Variants in CAMKMT observed in about 807,000 individuals in gnomAD.
CAMKMT encodes the protein calmodulin-lysine N-methyltransferase.
A neutral mutation model predicts 48.0 loss-of-function variants in CAMKMT; 53 were observed. That is an observed-to-expected ratio of 1.10 (90% CI 0.89 to 1.39). The LOEUF is 1.39. Among genes scored for constraint, CAMKMT ranks in the 40% most tolerant of loss-of-function variants. CAMKMT has a pLI of 0.00. For synonymous variants in CAMKMT, 165 were observed against 152.3 expected, an observed-to-expected ratio of 1.08 and a Z score of -0.61; for missense variants, 428 against 402.7, an observed-to-expected ratio of 1.06 and a Z score of -0.54.
chr2:44,450,198 C>G (rs1164162466), intron 3 of CAMKMT, among the ~76,000 whole-genome samples: 1 of 152,114 alleles, frequency 6.6e-6, no homozygotes, highest in Non-Finnish European at 1.5e-5. Context: ...ATAGCAGGCT[C>G]AGTGAATAAT....
chr2:44,766,348 C>CAGTAT, intron 9 of CAMKMT, 82 bp from the exon 10 acceptor site: 1 of 1,489,740 alleles, frequency 6.7e-7, no homozygotes, highest in Non-Finnish European at 9.3e-7. Flanking sequence ...GAGAGCAGTA[C>CAGTAT]ATTAAATGCT....
chr2:44,581,481 G>C (rs1669560500), intron 3 of CAMKMT, among the ~76,000 whole-genome samples: 2 of 152,160 alleles, frequency 1.3e-5, no homozygotes, highest in South Asian at 4.1e-4. Flanking sequence ...CATTAAATAT[G>C]TGTATACTGA....
At position 44,564,344 on chromosome 2, in the gene CAMKMT, T is replaced by G. The variant is rs1668495471; in HGVS notation, c.377-139939T>G. Among the ~76,000 whole-genome samples the G allele has an allele frequency of 2.6e-5, 4 of 151,680 alleles. No homozygotes were observed. The South Asian group carries it at 8.4e-4, about 32-fold the overall frequency. ...AGCGCGCCACTATGCCCGGCTAATT[T>G]TTGTATTTTTAATAGAAACGGGGTT... On this transcript the variant is annotated intron_variant, in intron 3 of 10. Transcript: ENST00000378494.
In CAMKMT at chr2:44,502,553, T is replaced by G. The variant is rs528358623; in HGVS notation, c.376+112248T>G. Reference sequence around the variant, plus strand: ...TGATAATGCTTGATAATGTCTTGCCTTGATCTGGTTTGCCATCTTAATTAG... The same window carrying G: ...TGATAATGCTTGATAATGTCTTGCCGTGATCTGGTTTGCCATCTTAATTAG... On this transcript the variant is annotated intron_variant, in intron 3 of 10. Coordinates refer to ENST00000378494, the MANE Select transcript of CAMKMT (RefSeq NM_024766.5). 2.6e-5 allele frequency among the ~76,000 whole-genome samples: 4 copies of G among 152,354 alleles called. No homozygotes were observed. In the South Asian group the frequency reaches 8.3e-4, roughly 32 times the overall value.
At chr2:44,591,489 C>A (rs1449596522) in intron 3 of CAMKMT, among the ~76,000 whole-genome samples, 1 of 152,000 alleles carries the variant, frequency 6.6e-6, no homozygotes, top group Admixed American at 6.6e-5. Flanking sequence ...AAGTTGGATT[C>A]CTAGGTATTT....
intron 3 of CAMKMT, among the ~76,000 whole-genome samples, chr2:44,445,144 A>G (rs1270861549): frequency 1.3e-5 from 2 of 152,222 alleles, no homozygotes; most frequent in Admixed American, 1.3e-4. Flanking sequence ...CGGGAACTCC[A>G]AGGCTACTGA....
intron 3 of CAMKMT, among the ~76,000 whole-genome samples, chr2:44,651,141 A>G (rs1216558900): frequency 6.6e-6 from 1 of 152,262 alleles, no homozygotes; most frequent in Non-Finnish European, 1.5e-5. Context: ...ATCCAGAGCT[A>G]TAAAATGTTC....
chr2:44,722,097 C>A (rs2104320197), intron 7 of CAMKMT, among the ~76,000 whole-genome samples: 1 of 151,864 alleles, frequency 6.6e-6, no homozygotes, highest in South Asian at 2.1e-4. Context: ...ATTTTTGGTA[C>A]TATTCCATTG....
chr2:44,525,858 TTC>T (rs1319956099), intron 3 of CAMKMT, among the ~76,000 whole-genome samples: 1 of 152,000 alleles, frequency 6.6e-6, no homozygotes, highest in East Asian at 1.9e-4. Flanking sequence ...TTCTTTTCTT[TTC>T]TTTTATTATT....
chr2:44,513,156 C>A (rs1436997429), intron 3 of CAMKMT, among the ~76,000 whole-genome samples: 1 of 152,088 alleles, frequency 6.6e-6, no homozygotes, highest in Admixed American at 6.6e-5. Flanking sequence ...GAGAAATGCC[C>A]TCAGGCCGCT....
At chr2:44,493,447 C>G (rs1669610075) in intron 3 of CAMKMT, among the ~76,000 whole-genome samples, 2 of 152,170 alleles carry the variant, frequency 1.3e-5, no homozygotes. Flanking sequence ...TCTCTCAAGT[C>G]TAAACAACCC....
intron 3 of CAMKMT, among the ~76,000 whole-genome samples, chr2:44,590,238 G>C (rs893182807): frequency 6.6e-6 from 1 of 152,076 alleles, no homozygotes; most frequent in Non-Finnish European, 1.5e-5. Context: ...CTTTGTCTTT[G>C]TCTGGTTTTT....
chr2:44,721,302 T>G (rs1321012513), intron 7 of CAMKMT, among the ~76,000 whole-genome samples: 1 of 152,212 alleles, frequency 6.6e-6, no homozygotes. Flanking sequence ...TTAAAATTTC[T>G]TAAGAGATGT....
At chr2:44,696,996 T>C (rs1676992890) in intron 3 of CAMKMT, among the ~76,000 whole-genome samples, 3 of 151,466 alleles carry the variant, frequency 2.0e-5, no homozygotes, top group Admixed American at 2.0e-4. Flanking sequence ...TAGAAAACAA[T>C]AAGAGATGCA....
chr2:44,613,035 G>A (rs1261782517), intron 3 of CAMKMT, among the ~76,000 whole-genome samples: 2 of 152,296 alleles, frequency 1.3e-5, no homozygotes, highest in African/African-American at 4.8e-5. Flanking sequence ...TGAATGGGTA[G>A]AAGAATATAG....
At chr2:44,501,520 G>T (rs1251031009) in intron 3 of CAMKMT, among the ~76,000 whole-genome samples, 1 of 152,152 alleles carries the variant, frequency 6.6e-6, no homozygotes, top group Non-Finnish European at 1.5e-5. Context: ...AATTTAAGTT[G>T]CCTATCTCCT....
intron 3 of CAMKMT, among the ~76,000 whole-genome samples, chr2:44,447,143 T>G (rs564813232): frequency 6.6e-6 from 1 of 152,304 alleles, no homozygotes; most frequent in East Asian, 1.9e-4. Context: ...GTATATTGCT[T>G]TGTGCTTTGT....
chr2:44,413,416 G>T (rs1188059116), intron 3 of CAMKMT, among the ~76,000 whole-genome samples: 1 of 152,076 alleles, frequency 6.6e-6, no homozygotes, highest in Non-Finnish European at 1.5e-5. Flanking sequence ...CACTTTGGGA[G>T]GCCAAGGCGG....
intron 3 of CAMKMT, among the ~76,000 whole-genome samples, chr2:44,579,588 C>T (rs62131349): frequency 0.039 from 5,927 of 152,292 alleles, 164 homozygotes; most frequent in Non-Finnish European, 0.063. Flanking sequence ...AAATCTCACT[C>T]GCATTACTGC....
Sources: allele counts gnomAD v4.1 joint callset (sites outside exome capture counted in the v4.1 genomes callset), GRCh38; gene constraint gnomAD v4.1.1; transcripts MANE v1.5; gene names NCBI Gene and HGNC (gene_info 2026-07-23, HGNC 2026-07-21).